Variants in GALNT17 observed in about 807,000 individuals in gnomAD.
The protein encoded by GALNT17 is polypeptide N-acetylgalactosaminyltransferase 17, also known as UDP-GalNAc:polypeptide N-acetylgalactosaminyltransferase-like 3.
GALNT17 carries 29 observed loss-of-function variants against 63.7 expected under a neutral mutation model. That is an observed-to-expected ratio of 0.46 (90% CI 0.34 to 0.62). The LOEUF is 0.62. Among genes scored for constraint, GALNT17 ranks in the 20% least tolerant of loss-of-function variants. The probability of loss-of-function intolerance (pLI) is 0.01; values close to 1 mark genes in which losing one functional copy is unlikely to be tolerated. For synonymous variants in GALNT17, 305 were observed against 318.3 expected, an observed-to-expected ratio of 0.96 and a Z score of 0.45; for missense variants, 603 against 799.6, an observed-to-expected ratio of 0.75 and a Z score of 2.97.
Position 71,469,980 on chromosome 7 carries a change from G to A in GALNT17, c.962+48875G>A, listed in dbSNP as rs890059037. 1.1e-4 allele frequency among the ~76,000 whole-genome samples: 17 copies of A among 152,166 alleles called. No individual in the cohort carries two copies. In the South Asian group the frequency reaches 1.7e-3, roughly 15 times the overall value. On this transcript the variant is annotated intron_variant, in intron 5 of 10. Transcript: ENST00000333538. ...TCCCAACACTTTGGGAGGCTGAGGC[G>A]GACGGATAACCTGAGGTCAGGAGTT...
At chr7:71,496,550 C>T (rs2116688265) in intron 5 of GALNT17, among the ~76,000 whole-genome samples, 1 of 152,310 alleles carries the variant, frequency 6.6e-6, no homozygotes, top group East Asian at 1.9e-4. Context: ...CTCCGCCTTC[C>T]TTTCCACCTG....
intron 8 of GALNT17, 112 bp downstream of exon 8, chr7:71,670,221 G>A (rs1281160411): frequency 2.0e-6 from 3 of 1,468,164 alleles, no homozygotes; most frequent in Non-Finnish European, 1.9e-6. Flanking sequence ...GTGGTTTTTG[G>A]AGGTGCTGGC....
At chr7:71,504,582 G>A (rs1262297334) in intron 5 of GALNT17, among the ~76,000 whole-genome samples, 1 of 149,518 alleles carries the variant, frequency 6.7e-6, no homozygotes, top group Non-Finnish European at 1.5e-5. Context: ...ATATTTTGCA[G>A]TTTATTTACA....
At position 71,390,859 on chromosome 7, in the gene GALNT17, G is replaced by A. The variant is rs538578172; in HGVS notation, c.589+2458G>A. On this transcript the variant is annotated intron_variant, in intron 3 of 10. Transcript: ENST00000333538. Reference sequence around the variant, plus strand: ...AAGCCATTGTAAAAAGATTGGTACTGTCAGTGTCAGAGCTTAATCCCACTG... The same window carrying A: ...AAGCCATTGTAAAAAGATTGGTACTATCAGTGTCAGAGCTTAATCCCACTG... Among the ~76,000 whole-genome samples the A allele has an allele frequency of 2.0e-5, 3 of 152,308 alleles. No homozygotes were observed. The South Asian group carries it at 6.2e-4, about 32-fold the overall frequency.
intron 1 of GALNT17, among the ~76,000 whole-genome samples, chr7:71,217,927 CA>C (rs35568352): frequency 2.9e-4 from 42 of 142,786 alleles, no homozygotes; most frequent in African/African-American, 4.7e-4. Flanking sequence ...GACTCCGTCT[CA>C]AAAAAAAAAA....
At chr7:71,391,135 A>G (rs539194214) in intron 3 of GALNT17, among the ~76,000 whole-genome samples, 28 of 152,328 alleles carry the variant, frequency 1.8e-4, no homozygotes, top group African/African-American at 5.8e-4. Flanking sequence ...AAGGGAGTGC[A>G]TGATGAAGCC....
At position 71,593,613 on chromosome 7, in the gene GALNT17, A is replaced by T. The variant is rs17143677; in HGVS notation, c.1080+22211A>T. On this transcript the variant is annotated intron_variant, in intron 6 of 10. Transcript: ENST00000333538. Reference sequence around the variant, plus strand: ...TTGAAGCTACTGTCTGTAGATATGCAGAATGTCATGGATGGGAACTTCTTC... The same window carrying T: ...TTGAAGCTACTGTCTGTAGATATGCTGAATGTCATGGATGGGAACTTCTTC... Among the ~76,000 whole-genome samples the T allele has an allele frequency of 7.9e-3, 1,198 of 152,302 alleles. 9 individuals are homozygous for T. Among genetic ancestry groups the T allele is most frequent in the African/African-American group, 0.027 (1,115 of 41,554 alleles).
chr7:71,404,045 A>G (rs1793285467), intron 3 of GALNT17, among the ~76,000 whole-genome samples: 1 of 152,192 alleles, frequency 6.6e-6, no homozygotes, highest in South Asian at 2.1e-4. Flanking sequence ...TTGATGGGGT[A>G]AGGTAGGGGA....
At position 71,263,808 on chromosome 7, in the gene GALNT17, T is replaced by C. The variant is rs369956540; in HGVS notation, c.239-71742T>C. 1.6e-3 allele frequency among the ~76,000 whole-genome samples: 241 copies of C among 151,370 alleles called. 1 individual carries two copies. The highest frequency in any genetic ancestry group is 1.8e-3 in the Non-Finnish European group (121 of 67,686). On this transcript the variant is annotated intron_variant, in intron 1 of 10. Transcript: ENST00000333538. ...GCGTGGTGGCAGGCGCCTGTAGTCCTAGCTACTTGGGAGGCTGAGGCAGGA... is the reference window on the plus strand; with the variant it reads ...GCGTGGTGGCAGGCGCCTGTAGTCCCAGCTACTTGGGAGGCTGAGGCAGGA...
At chr7:71,683,610 AGC>A (rs2117080777) in intron 9 of GALNT17, among the ~76,000 whole-genome samples, 1 of 152,284 alleles carries the variant, frequency 6.6e-6, no homozygotes, top group South Asian at 2.1e-4. Context: ...CCACTCAGAG[AGC>A]CTTGCTTGCT....
intron 1 of GALNT17, among the ~76,000 whole-genome samples, chr7:71,221,617 C>T (rs917348777): frequency 1.3e-5 from 2 of 152,122 alleles, no homozygotes; most frequent in African/African-American, 4.8e-5. Context: ...TATGGACTGA[C>T]CATAAGGGAC....
chr7:71,184,326 T>C (rs1290185396), intron 1 of GALNT17, among the ~76,000 whole-genome samples: 2 of 152,208 alleles, frequency 1.3e-5, no homozygotes, highest in Non-Finnish European at 2.9e-5. Context: ...GTCATGGTGA[T>C]GGAGTAACCT....
In GALNT17 at chr7:71,650,464, G is replaced by A. The variant is rs368844230; in HGVS notation, c.1081-14947G>A. Among the ~76,000 whole-genome samples the A allele has an allele frequency of 9.4e-4, 143 of 152,194 alleles. 1 individual carries two copies. Among genetic ancestry groups the A allele is most frequent in the African/African-American group, 3.3e-3 (138 of 41,526 alleles). On this transcript the variant is annotated intron_variant, in intron 6 of 10. Transcript: ENST00000333538. ...AGGTTTTGTCATGTTGCTTAGGCTG[G>A]TCTCAAACTCCTAGCCTCCCAAAGT... is the stretch of plus-strand genomic sequence containing the variant.
intron 5 of GALNT17, among the ~76,000 whole-genome samples, chr7:71,543,977 G>A (rs1206664287): frequency 6.6e-6 from 1 of 151,596 alleles, no homozygotes; most frequent in Admixed American, 6.6e-5. Flanking sequence ...ATTTTTGGTA[G>A]AGACGGAGTT....
At position 71,256,567 on chromosome 7, in the gene GALNT17, G is replaced by A. The variant is rs566721867; in HGVS notation, c.239-78983G>A. ...AGCCTGGGCGACAGAGTGAGACTCCGTCTCAAAAAAATAAAAACCAAAAAC... is the reference window on the plus strand; with the variant it reads ...AGCCTGGGCGACAGAGTGAGACTCCATCTCAAAAAAATAAAAACCAAAAAC... On this transcript the variant is annotated intron_variant, in intron 1 of 10. Transcript: ENST00000333538. Among the ~76,000 whole-genome samples the A allele has an allele frequency of 3.3e-3, 499 of 151,100 alleles. 2 individuals are homozygous for A. Among genetic ancestry groups the A allele is most frequent in the Non-Finnish European group, 4.3e-3 (291 of 67,824 alleles).
chr7:71,351,424 G>T (rs1792187357), intron 2 of GALNT17, among the ~76,000 whole-genome samples: 1 of 152,032 alleles, frequency 6.6e-6, no homozygotes, highest in Admixed American at 6.6e-5. Flanking sequence ...TGGAACCTCA[G>T]GTCACCTTAT....
chr7:71,703,986 A>G (rs1791689266), intron 9 of GALNT17, among the ~76,000 whole-genome samples: 1 of 152,204 alleles, frequency 6.6e-6, no homozygotes, highest in Admixed American at 6.5e-5. Context: ...AGACTCTGGC[A>G]GGGATGGAAG....
At chr7:71,184,970 TC>T (rs1191570057) in intron 1 of GALNT17, among the ~76,000 whole-genome samples, 2 of 113,674 alleles carry the variant, frequency 1.8e-5, no homozygotes, top group Admixed American at 9.7e-5. Flanking sequence ...CTTCCTTCCT[TC>T]CTTCCTTCCT....
intron 5 of GALNT17, among the ~76,000 whole-genome samples, chr7:71,466,251 A>C (rs985078208): frequency 6.6e-6 from 1 of 152,184 alleles, no homozygotes; most frequent in South Asian, 2.1e-4. Flanking sequence ...AGGAAACCTG[A>C]AAAACTAGTT....
Sources: allele counts gnomAD v4.1 joint callset (sites outside exome capture counted in the v4.1 genomes callset), GRCh38; gene constraint gnomAD v4.1.1; transcripts MANE v1.5; gene names NCBI Gene and HGNC (gene_info 2026-07-23, HGNC 2026-07-21).